The following CDYL2 variants were observed in gnomAD, a reference collection of about 807,000 sequenced individuals.
CDYL2 encodes chromodomain Y-like protein 2.
A neutral mutation model predicts 49.4 loss-of-function variants in CDYL2; 23 were observed. That is an observed-to-expected ratio of 0.47 (90% CI 0.34 to 0.66). The LOEUF (loss-of-function observed/expected upper bound fraction) is 0.66, where lower values mean the gene tolerates loss of function less well. CDYL2 is among the 30% of genes least tolerant of loss of function. CDYL2 has a pLI of 0.01. For synonymous variants in CDYL2, 360 were observed against 268.8 expected (o/e 1.34, Z -3.32); for missense variants, 678 against 656.4 (o/e 1.03, Z -0.36).
At chr16:80,766,842 T>C (rs182741940) in intron 1 of CDYL2, among the ~76,000 whole-genome samples, 45 of 152,338 alleles carry the variant, frequency 3.0e-4, no homozygotes, top group Non-Finnish European at 1.2e-4. Context: ...ACACAATCCT[T>C]GCAGGTGTAA....
intron 4 of CDYL2, among the ~76,000 whole-genome samples, chr16:80,614,727 G>C (rs143554605): frequency 6.6e-6 from 1 of 152,002 alleles, no homozygotes; most frequent in East Asian, 1.9e-4. Flanking sequence ...AGCTGGGTGT[G>C]GTGGCAGATG....
At chr16:80,664,930 T>C (rs1443489140) in intron 2 of CDYL2, among the ~76,000 whole-genome samples, 1 of 152,176 alleles carries the variant, frequency 6.6e-6, no homozygotes, top group Non-Finnish European at 1.5e-5. Flanking sequence ...ATGCTGGCTA[T>C]TTTGACATGG....
chr16:80,751,584 G>C (rs924445929), intron 1 of CDYL2, among the ~76,000 whole-genome samples: 3 of 152,224 alleles, frequency 2.0e-5, no homozygotes, highest in Admixed American at 6.5e-5. Context: ...AAGAGAAACA[G>C]AGAACTAAGA....
chr16:80,667,953 G>A (rs994113659), intron 2 of CDYL2, among the ~76,000 whole-genome samples: 3 of 152,246 alleles, frequency 2.0e-5, no homozygotes, highest in Non-Finnish European at 2.9e-5. Context: ...ACAGCAGGAT[G>A]GCACCCGGGC....
intron 3 of CDYL2, among the ~76,000 whole-genome samples, chr16:80,626,239 C>T (rs1167001086): frequency 1.4e-5 from 2 of 142,142 alleles, no homozygotes; most frequent in East Asian, 2.0e-4. Context: ...ATCGTACCAC[C>T]GTACTCCAAC....
At position 80,677,143 on chromosome 16, in the gene CDYL2, G is replaced by A. The variant is rs190601419; in HGVS notation, c.616+7395C>T. 1.6e-3 allele frequency among the ~76,000 whole-genome samples: 242 copies of A among 151,380 alleles called. 2 individuals carry two copies. Among genetic ancestry groups the A allele is most frequent in the African/African-American group, 5.2e-3 (216 of 41,288 alleles). On this transcript the variant is annotated intron_variant, in intron 2 of 6. Transcript: ENST00000570137. ...GTGCCACCACACCTGGCTAATTTTT[G>A]TATTTTTTTGGAGAGACAGGGTTTC...
At chr16:80,609,393 G>T (rs557972754) in intron 5 of CDYL2, among the ~76,000 whole-genome samples, 1 of 152,188 alleles carries the variant, frequency 6.6e-6, no homozygotes, top group African/African-American at 2.4e-5. Flanking sequence ...AGAGCTATGC[G>T]TAAGTTCCCC....
At chr16:80,738,858 G>C (rs945511891) in intron 1 of CDYL2, 1 of 152,236 alleles carries the variant, frequency 6.6e-6, no homozygotes, top group African/African-American at 2.4e-5. Context: ...ATAAAATGGA[G>C]ATGATGATAG....
chr16:80,699,930 C>G (rs9932187), intron 1 of CDYL2, among the ~76,000 whole-genome samples: 1 of 151,308 alleles, frequency 6.6e-6, no homozygotes, highest in Non-Finnish European at 1.5e-5. Flanking sequence ...TGCAGTGGCG[C>G]GATCTCCGCT....
chr16:80,703,055 AAAGAT>A (rs1179595076), intron 1 of CDYL2, among the ~76,000 whole-genome samples: 24 of 152,216 alleles, frequency 1.6e-4, no homozygotes, highest in African/African-American at 5.8e-4. Flanking sequence ...TCTAGGAAAA[AAAGAT>A]AAGAAGGAAA....
chr16:80,653,567 G>C (rs1025856655), intron 2 of CDYL2, among the ~76,000 whole-genome samples: 5 of 152,152 alleles, frequency 3.3e-5, no homozygotes, highest in Middle Eastern at 3.4e-3. Context: ...TTTAACTTTT[G>C]TGAGTACATA....
chr16:80,666,878 G>C (rs1909286329), intron 2 of CDYL2, among the ~76,000 whole-genome samples: 1 of 152,130 alleles, frequency 6.6e-6, no homozygotes, highest in African/African-American at 2.4e-5. Context: ...TTAAGCACCT[G>C]CTAAGTGCCC....
At chr16:80,759,177 G>C (rs1418582364) in intron 1 of CDYL2, among the ~76,000 whole-genome samples, 2 of 105,524 alleles carry the variant, frequency 1.9e-5, no homozygotes, top group African/African-American at 8.4e-5. Flanking sequence ...TATATATATG[G>C]TGTGTATATA....
chr16:80,789,335 G>T (rs555191031), intron 1 of CDYL2, among the ~76,000 whole-genome samples: 13 of 152,296 alleles, frequency 8.5e-5, no homozygotes, highest in East Asian at 5.8e-4. Flanking sequence ...AGGTGCGGTG[G>T]CTCACGCCTG....
intron 4 of CDYL2, among the ~76,000 whole-genome samples, chr16:80,619,538 T>C (rs573038232): frequency 6.6e-6 from 1 of 152,198 alleles, no homozygotes; most frequent in Non-Finnish European, 1.5e-5. Flanking sequence ...TGGGCTCTGG[T>C]GGCCTCATGC....
intron 2 of CDYL2, among the ~76,000 whole-genome samples, chr16:80,656,342 G>A (rs1472495484): frequency 4.6e-5 from 7 of 152,260 alleles, no homozygotes; most frequent in Admixed American, 2.0e-4. Context: ...TCCAGGCACA[G>A]AGGGGACTAA....
rs1333503745 is a variant in CDYL2, at chr16:80,684,796, A to G, written c.358T>C (p.Tyr120His). 1.9e-6 allele frequency: 3 copies of G among 1,613,938 alleles called. No homozygotes were observed. Among genetic ancestry groups the G allele is most frequent in the East Asian group, 2.2e-5 (1 of 44,856 alleles). Reference sequence around the variant, plus strand: ...CCTCCTGAAGAGGGCTTGCCTGAATACCCTTTTTTTGGCTTGGCCAGGGGA... The same window carrying G: ...CCTCCTGAAGAGGGCTTGCCTGAATGCCCTTTTTTTGGCTTGGCCAGGGGA... ...NPPLAKPKKGYSGKPSSGGDR... is the reference protein window; with the variant it reads ...NPPLAKPKKGHSGKPSSGGDR... The change falls in exon 2 of 7, where the codon TAT becomes CAT. Residue 120 changes from tyrosine (Y) to histidine (H), a missense_variant. Physicochemically the swap from Tyr to His is moderately conservative, Grantham distance 83 (BLOSUM62 2). Around this residue, in one of 3 missense-constraint regions of CDYL2, gnomAD observed 478 missense variants for 427.0 expected, o/e 1.12. Transcript: ENST00000570137.
intron 2 of CDYL2, among the ~76,000 whole-genome samples, chr16:80,640,256 G>C (rs66713144): frequency 0.26 from 39,657 of 152,044 alleles, 5,847 homozygotes; most frequent in Middle Eastern, 0.42. Flanking sequence ...GGAGGACTTT[G>C]TCTTGCATTT....
At chr16:80,728,680 T>G (rs1251386289) in intron 1 of CDYL2, among the ~76,000 whole-genome samples, 1 of 151,914 alleles carries the variant, frequency 6.6e-6, no homozygotes, top group Non-Finnish European at 1.5e-5. Flanking sequence ...GGAAAAAATG[T>G]TAAGGGCAGC....
Sources: gnomAD v4.1 joint callset for allele counts (sites outside exome capture counted in the v4.1 genomes callset) on GRCh38, gnomAD v4.1.1 for gene constraint, gnomAD v4.1.1 regional missense constraint, MANE v1.5 for transcripts, NCBI Gene and HGNC (gene_info 2026-07-23, HGNC 2026-07-21) for gene names.